Variants in SASH1 observed in about 807,000 individuals in gnomAD.
SASH1 encodes the protein SAM and SH3 domain-containing protein 1.
Under a neutral mutation model 125.2 loss-of-function variants are expected in SASH1, and 44 were observed. The observed-to-expected ratio is 0.35, with a 90% CI of 0.28 to 0.45. The LOEUF (loss-of-function observed/expected upper bound fraction) is 0.45. SASH1 is among the 20% of genes least tolerant of loss of function. The pLI, the probability that SASH1 is intolerant of heterozygous loss-of-function variation, is 1.00. For synonymous variants in SASH1, 639 were observed against 649.1 expected (o/e 0.98, Z 0.24); for missense variants, 1,426 against 1,614.5 (o/e 0.88, Z 2.00).
At chr6:148,475,723 A>T (rs1778311789) in intron 7 of SASH1, among the ~76,000 whole-genome samples, 1 of 152,192 alleles carries the variant, frequency 6.6e-6, no homozygotes, top group Admixed American at 6.5e-5. Flanking sequence ...GTTTAGTTTA[A>T]TATACAGTAG....
chr6:148,424,515 A>G (rs1775721547), intron 2 of SASH1, among the ~76,000 whole-genome samples: 1 of 151,012 alleles, frequency 6.6e-6, no homozygotes, highest in Admixed American at 6.6e-5. Context: ...GTGAGCCACC[A>G]TATCCGGCCA....
the SASH1 span, among the ~76,000 whole-genome samples, chr6:148,250,991 T>A: frequency 3.9e-5 from 6 of 152,186 alleles, no homozygotes; most frequent in African/African-American, 1.4e-4. Context: ...ATAGATTGCA[T>A]CCTTTATTTG....
chr6:148,442,590 T>A (rs1005427928), intron 4 of SASH1, among the ~76,000 whole-genome samples: 1 of 149,924 alleles, frequency 6.7e-6, no homozygotes, highest in Non-Finnish European at 1.5e-5. Flanking sequence ...ACTGCTGGCC[T>A]GTTTGAGAAT....
rs1208359932 is a variant in SASH1 at position 148,482,749 on chromosome 6, C to T, written c.628-4865C>T. ...TGTCGCCCAGGCTAGAGTGCAGTGG[C>T]GCGATCTTGGCTCACTGCAACCTCC... On this transcript the variant is annotated intron_variant, in intron 7 of 19. Transcript: ENST00000367467. Among the ~76,000 whole-genome samples the T allele has an allele frequency of 6.4e-5, 9 of 140,918 alleles. No homozygotes were observed. The East Asian group carries it at 1.0e-3, about 16-fold the overall frequency. The allele number at this position is 140,918 out of a possible 152,430, so 92.4% of individuals were successfully genotyped here. A position where few individuals can be genotyped will look rare whatever the true frequency, so the allele number is the denominator to read the frequency against.
intron 5 of SASH1, among the ~76,000 whole-genome samples, chr6:148,469,913 C>T (rs1263715794): frequency 6.6e-6 from 1 of 151,678 alleles, no homozygotes; most frequent in Non-Finnish European, 1.5e-5. Context: ...GCAATCCCAG[C>T]TATTCAGGAG....
upstream of SASH1, among the ~76,000 whole-genome samples, chr6:148,341,878 G>A (rs1781339048): frequency 6.6e-6 from 1 of 152,002 alleles, no homozygotes; most frequent in South Asian, 2.1e-4. Flanking sequence ...GACGTGCATT[G>A]TCACCTTCCA....
chr6:148,377,227 A>C (rs930084168), intron 1 of SASH1, among the ~76,000 whole-genome samples: 87 of 151,854 alleles, frequency 5.7e-4, no homozygotes, highest in African/African-American at 1.5e-3. Context: ...AACAAACAAA[A>C]AAAAACACAA....
intron 2 of SASH1, among the ~76,000 whole-genome samples, chr6:148,439,566 CAA>C (rs1314458293): frequency 6.6e-6 from 1 of 152,148 alleles, no homozygotes; most frequent in Non-Finnish European, 1.5e-5. Context: ...ATCATGAGGT[CAA>C]GAGATCGAGA....
At chr6:148,504,580 T>C (rs1432914215) in intron 8 of SASH1, among the ~76,000 whole-genome samples, 1 of 152,076 alleles carries the variant, frequency 6.6e-6, no homozygotes, top group Non-Finnish European at 1.5e-5. Context: ...GGGAGCTTCC[T>C]AGGGTGGCCT....
the SASH1 span, among the ~76,000 whole-genome samples, chr6:148,199,804 A>G: frequency 1.3e-5 from 2 of 151,586 alleles, no homozygotes; most frequent in Non-Finnish European, 2.9e-5. Context: ...GAGAGAGAGA[A>G]AGAAAAAGAG....
upstream of SASH1, among the ~76,000 whole-genome samples, chr6:148,268,571 T>C (rs1300280134): frequency 6.6e-6 from 1 of 152,254 alleles, no homozygotes; most frequent in African/African-American, 2.4e-5. Context: ...GAATGGTTGG[T>C]CTATCAGCTT....
chr6:148,548,439 G>C lies in SASH1; in HGVS notation c.3625G>C (p.Val1209Leu), dbSNP rs144903447. 2 of 1,614,108 alleles carry C rather than the reference G, an allele frequency of 1.2e-6. No individual in the cohort carries two copies. The highest frequency in any genetic ancestry group is 2.7e-5 in the African/African-American group (2 of 74,940). ...STAGFSTLSQ[V>L]PSLSHTCLQE... is the part of the protein sequence containing the mutation. The stretch of plus-strand genomic sequence containing the variant: ...CGCGGGCTTCAGCACACTGAGCCAA[G>C]TGCCTTCTCTGTCTCACACTTGCCT... The change falls in exon 20 of 20, where the codon GTG (valine) becomes CTG (leucine). Residue 1209 changes from valine (V) to leucine (L), a missense_variant. Coordinates refer to ENST00000367467, the MANE Select transcript of SASH1 (RefSeq NM_015278.5).
At chr6:148,455,163 C>G (rs546409812) in intron 4 of SASH1, among the ~76,000 whole-genome samples, 1 of 152,182 alleles carries the variant, frequency 6.6e-6, no homozygotes, top group Non-Finnish European at 1.5e-5. Flanking sequence ...ATCACAATTA[C>G]TTGGAGAGCT....
At chr6:148,326,389 CT>C (rs1780827236) in intron 1 of SASH1, among the ~76,000 whole-genome samples, 2 of 58,002 alleles carry the variant, frequency 3.4e-5, no homozygotes, top group African/African-American at 6.4e-5. Flanking sequence ...CTTTTCTTTT[CT>C]TTTCTTTTCT....
At chr6:148,339,719 AT>A (rs11302288), upstream of SASH1, among the ~76,000 whole-genome samples, 85,925 of 151,294 alleles carry the variant, frequency 0.57, 24,622 homozygotes, top group South Asian at 0.68. Context: ...TAAGTTTTAT[AT>A]TTTTAGTAGA....
intron 1 of SASH1, among the ~76,000 whole-genome samples, chr6:148,283,922 T>C (rs988770196): frequency 1.5e-4 from 18 of 119,376 alleles, no homozygotes; most frequent in African/African-American, 6.4e-4. Context: ...ATATCATATC[T>C]ATGTAATTTT....
At position 148,527,993 on chromosome 6, in the gene SASH1, G is replaced by C. The variant is rs868024542; in HGVS notation, c.1428+397G>C. Among the ~76,000 whole-genome samples the C allele has an allele frequency of 3.5e-5, 5 of 141,348 alleles. 1 individual carries two copies. Among genetic ancestry groups the C allele is most frequent in the African/African-American group, 5.4e-5 (2 of 36,984 alleles). 92.7% of individuals were successfully genotyped at this position (141,348 alleles called of 152,430 possible). A position where few individuals can be genotyped will look rare whatever the true frequency, so the allele number is the denominator to read the frequency against. On this transcript the variant is annotated intron_variant, in intron 12 of 19. Transcript: ENST00000367467. ...AACCTAAAGCTTTTTTTTTTTGGGGGGGGGGGTGGCAGTAGACTTGTCGAT... is the reference window on the plus strand; with the variant it reads ...AACCTAAAGCTTTTTTTTTTTGGGGCGGGGGGTGGCAGTAGACTTGTCGAT...
At chr6:148,199,375 G>T in the SASH1 span, among the ~76,000 whole-genome samples, 1 of 123,622 alleles carries the variant, frequency 8.1e-6, no homozygotes, top group Admixed American at 8.5e-5. Context: ...TCCGTCTCAA[G>T]AAAAAAAAAA....
chr6:148,500,942 A>C (rs2115267302), intron 8 of SASH1, among the ~76,000 whole-genome samples: 1 of 152,306 alleles, frequency 6.6e-6, no homozygotes, highest in South Asian at 2.1e-4. Flanking sequence ...GCTCTAAATA[A>C]TTCCTCTCTG....
Sources: allele counts gnomAD v4.1 joint callset (sites outside exome capture counted in the v4.1 genomes callset), GRCh38; gene constraint gnomAD v4.1.1; transcripts MANE v1.5; gene names NCBI Gene and HGNC (gene_info 2026-07-23, HGNC 2026-07-21).